The following NEDD9 variants were observed in gnomAD, a reference collection of about 807,000 sequenced individuals.
The protein encoded by NEDD9 is enhancer of filamentation 1.
NEDD9 carries 26 observed loss-of-function variants against 76.6 expected under a neutral mutation model. The observed-to-expected ratio is 0.34, with a 90% confidence interval of 0.25 to 0.47. The LOEUF (loss-of-function observed/expected upper bound fraction) is 0.47, where lower values mean the gene tolerates loss of function less well. Ranked by LOEUF, NEDD9 falls within the 20% of genes least tolerant of loss-of-function variation. NEDD9 has a pLI of 1.00. For synonymous variants in NEDD9, 392 were observed against 414.2 expected (o/e 0.95, Z 0.65); for missense variants, 937 against 1,058.5 (o/e 0.89, Z 1.59).
chr6:11,360,275 T>C (rs1269982829), intron 1 of NEDD9, among the ~76,000 whole-genome samples: 1 of 152,104 alleles, frequency 6.6e-6, no homozygotes, highest in African/African-American at 2.4e-5. Context: ...GCAGAAAGCA[T>C]TGTAGAGCAG....
chr6:11,258,841 T>G (rs892789678), intron 3 of NEDD9: 2 of 152,256 alleles, frequency 1.3e-5, no homozygotes, highest in African/African-American at 4.8e-5. Flanking sequence ...ATTGCAGATG[T>G]TATTTCTGTC....
At chr6:11,311,554 AGTTT>A (rs1761366948) in intron 2 of NEDD9, among the ~76,000 whole-genome samples, 1 of 152,202 alleles carries the variant, frequency 6.6e-6, no homozygotes, top group South Asian at 2.1e-4. Flanking sequence ...TATGCAAGTT[AGTTT>A]GTTTCCCTCT....
intron 3 of NEDD9, among the ~76,000 whole-genome samples, chr6:11,296,159 A>G (rs1437692066): frequency 6.6e-6 from 1 of 152,104 alleles, no homozygotes; most frequent in Non-Finnish European, 1.5e-5. Flanking sequence ...TTCAGGAGAA[A>G]TCAACCCTGC....
chr6:11,375,044 T>C (rs967808009), intron 1 of NEDD9, among the ~76,000 whole-genome samples: 1 of 152,238 alleles, frequency 6.6e-6, no homozygotes, highest in Non-Finnish European at 1.5e-5. Context: ...ACTTCTCTGC[T>C]CAAGTAGTTT....
At chr6:11,303,461 A>G (rs1761104667) in intron 3 of NEDD9, among the ~76,000 whole-genome samples, 1 of 152,242 alleles carries the variant, frequency 6.6e-6, no homozygotes, top group Admixed American at 6.5e-5. Flanking sequence ...TTATAGATTC[A>G]GTGTCATCGC....
chr6:11,284,490 C>T (rs1471289784), intron 3 of NEDD9, among the ~76,000 whole-genome samples: 4 of 151,386 alleles, frequency 2.6e-5, no homozygotes, highest in Non-Finnish European at 4.4e-5. Flanking sequence ...GGCGTGAACC[C>T]GGGAGGTGGA....
chr6:11,245,994 T>C (rs571214081), intron 3 of NEDD9, among the ~76,000 whole-genome samples: 1 of 152,330 alleles, frequency 6.6e-6, no homozygotes, highest in African/African-American at 2.4e-5. Context: ...GGAAAATGGA[T>C]GTTTAAAAAC....
At chr6:11,307,583 C>T (rs1199081446) in intron 2 of NEDD9, among the ~76,000 whole-genome samples, 1 of 152,124 alleles carries the variant, frequency 6.6e-6, no homozygotes, top group Admixed American at 6.6e-5. Flanking sequence ...AAGACAACCT[C>T]TCAGAGCTGA....
At position 11,190,951 on chromosome 6, in the gene NEDD9, G is replaced by C; in HGVS notation, c.918C>G (p.Leu306=). ...CGTTCTGAGAGCCCACTGACTGTCCGAGTTGCGGGGGTGGGTGATTCGGGG... is the reference window on the plus strand; with the variant it reads ...CGTTCTGAGAGCCCACTGACTGTCCCAGTTGCGGGGGTGGGTGATTCGGGG... ...SLSPNHPPPQ[L]GQSVGSQNDA... The change falls in exon 5 of 7, where the codon CTC becomes CTG. Residue 306 remains leucine (L), a synonymous_variant. Coordinates refer to ENST00000379446, the MANE Select transcript of NEDD9 (RefSeq NM_006403.4). The surrounding 1 kb of genome is among the most constrained non-coding windows in gnomAD (Gnocchi z 5.8). 1 of 1,614,044 alleles carries C rather than the reference G, an allele frequency of 6.2e-7. No homozygotes were observed. Among genetic ancestry groups the C allele is most frequent in the Non-Finnish European group, 8.5e-7 (1 of 1,180,022 alleles).
At chr6:11,342,165 G>T (rs1413252282) in intron 1 of NEDD9, among the ~76,000 whole-genome samples, 1 of 151,542 alleles carries the variant, frequency 6.6e-6, no homozygotes, top group Non-Finnish European at 1.5e-5. Context: ...AAAATATTAA[G>T]GAAAAAATGA....
At chr6:11,331,145 G>A (rs1406232452) in intron 2 of NEDD9, among the ~76,000 whole-genome samples, 2 of 152,192 alleles carry the variant, frequency 1.3e-5, no homozygotes, top group African/African-American at 2.4e-5. Context: ...TGAGCTTCTG[G>A]TAGTATCGGC....
chr6:11,344,877 A>G (rs1186679363), intron 1 of NEDD9, among the ~76,000 whole-genome samples: 2 of 152,176 alleles, frequency 1.3e-5, no homozygotes, highest in African/African-American at 4.8e-5. Flanking sequence ...TATTCAAAAA[A>G]AAGTGGAGAT....
At chr6:11,196,139 C>G (rs1366547707) in intron 2 of NEDD9, among the ~76,000 whole-genome samples, 1 of 151,882 alleles carries the variant, frequency 6.6e-6, no homozygotes. Context: ...CCCATCTCTA[C>G]TAAAAATACA....
intron 1 of NEDD9, chr6:11,214,081 A>G (rs1045789493): frequency 1.4e-5 from 6 of 414,766 alleles, no homozygotes; most frequent in Non-Finnish European, 1.9e-5. Context: ...GAGCTTAAGG[A>G]AAAAAAAATC....
At chr6:11,308,610 C>T (rs1383377109) in intron 2 of NEDD9, among the ~76,000 whole-genome samples, 3 of 151,944 alleles carry the variant, frequency 2.0e-5, no homozygotes, top group East Asian at 1.9e-4. Flanking sequence ...ACCTCGTGAT[C>T]CGCCCACCTC....
intron 2 of NEDD9, chr6:11,306,164 A>G: frequency 2.4e-6 from 2 of 818,842 alleles, no homozygotes; most frequent in East Asian, 2.5e-5. Flanking sequence ...ATCTGAAAAC[A>G]GGAGATAGAG....
chr6:11,294,509 CT>C (rs1244336556), intron 3 of NEDD9, among the ~76,000 whole-genome samples: 1 of 152,074 alleles, frequency 6.6e-6, no homozygotes, highest in African/African-American at 2.4e-5. Context: ...GCTGGCTTCC[CT>C]TTTGTCTTCT....
At chr6:11,319,704 GCA>G (rs909623340) in intron 2 of NEDD9, among the ~76,000 whole-genome samples, 18 of 118,374 alleles carry the variant, frequency 1.5e-4, no homozygotes, top group Non-Finnish European at 2.8e-4. Context: ...ACACAAACAT[GCA>G]CACACAAACA....
In NEDD9 at chr6:11,188,306, C is replaced by T. The variant is rs773582756; in HGVS notation, c.1907G>A (p.Gly636Asp). The T allele has an allele frequency of 2.5e-6, 4 of 1,612,176 alleles. No individual in the cohort carries two copies. In the East Asian group the frequency reaches 8.9e-5, roughly 36 times the overall value. ...MDDYDYVHLQ[G>D]KEEFERQQKE... ...CTGTTGCCTCTCAAACTCCTCCTTA[C>T]CCTGTTAATTTTCAACATAAAGAAC... The change falls in exon 6 of 7, where the codon GGT (glycine) becomes GAT (aspartate). Residue 636 changes from glycine to aspartate, a missense_variant and splice_region_variant. Coordinates refer to ENST00000379446, the MANE Select transcript of NEDD9 (RefSeq NM_006403.4).
Sources: allele counts gnomAD v4.1 joint callset (sites outside exome capture counted in the v4.1 genomes callset), GRCh38; gene constraint gnomAD v4.1.1; non-coding constraint Gnocchi (gnomAD v3.1); transcripts MANE v1.5; gene names NCBI Gene and HGNC (gene_info 2026-07-23, HGNC 2026-07-21).